Variants in OPA3 observed in about 807,000 individuals in gnomAD.
OPA3 encodes the protein outer mitochondrial membrane lipid metabolism regulator OPA3.
A neutral mutation model predicts 4.0 loss-of-function variants in OPA3; 6 were observed. The ratio of observed to expected loss-of-function variants is 1.51; its 90% CI spans 0.83 to 2.99. The LOEUF (loss-of-function observed/expected upper bound fraction) is 2.99. OPA3 is among the 30% of genes most tolerant of loss of function. The pLI is 0.00. For synonymous variants in OPA3, 105 were observed against 117.1 expected, an observed-to-expected ratio of 0.90 and a Z score of 0.67; for missense variants, 235 against 256.2, an observed-to-expected ratio of 0.92 and a Z score of 0.56.
At chr19:45,554,876 C>G (rs1969397387) in intron 1 of OPA3, among the ~76,000 whole-genome samples, 3 of 152,116 alleles carry the variant, frequency 2.0e-5, no homozygotes, top group African/African-American at 7.2e-5. Flanking sequence ...CTGCAACCTC[C>G]TCCTCCCAGG....
chr19:45,533,483 C>T (rs1410517791), intron 1 of OPA3, among the ~76,000 whole-genome samples: 2 of 152,206 alleles, frequency 1.3e-5, no homozygotes, highest in South Asian at 2.1e-4. Flanking sequence ...CGTGAGCCAC[C>T]GCGCCCAGCT....
At chr19:45,574,448 T>C (rs1237541929) in intron 1 of OPA3, among the ~76,000 whole-genome samples, 1 of 150,752 alleles carries the variant, frequency 6.6e-6, no homozygotes, top group Non-Finnish European at 1.5e-5. Flanking sequence ...ATACCCCCTG[T>C]AGCCTGTAGT....
downstream of OPA3, among the ~76,000 whole-genome samples, chr19:45,541,893 A>C (rs1969189292): frequency 6.6e-6 from 1 of 152,144 alleles, no homozygotes; most frequent in Admixed American, 6.6e-5. Flanking sequence ...GAAGGCTTCA[A>C]GGATACGAAG....
intron 1 of OPA3, among the ~76,000 whole-genome samples, chr19:45,533,415 C>T (rs1022090542): frequency 2.1e-4 from 32 of 151,872 alleles, no homozygotes; most frequent in Admixed American, 5.2e-4. Context: ...AGAATGGTCT[C>T]GATTTCCTGA....
intron 1 of OPA3, among the ~76,000 whole-genome samples, chr19:45,566,822 A>C (rs1188602421): frequency 6.6e-6 from 1 of 151,972 alleles, no homozygotes. Flanking sequence ...ATAACCCAGA[A>C]ATTTTACTCC....
chr19:45,538,659 G>T (rs1336963771), intron 1 of OPA3, among the ~76,000 whole-genome samples: 2 of 151,366 alleles, frequency 1.3e-5, no homozygotes, highest in Admixed American at 6.6e-5. Context: ...GGAGGCGGAG[G>T]TTGCAGTGAG....
intron 1 of OPA3, among the ~76,000 whole-genome samples, chr19:45,531,091 AT>A (rs944769338): frequency 3.4e-5 from 5 of 149,000 alleles, no homozygotes; most frequent in South Asian, 2.1e-4. Flanking sequence ...CACCCAGCCT[AT>A]TTTTTTTTAC....
intron 1 of OPA3, among the ~76,000 whole-genome samples, chr19:45,558,660 T>G (rs1303163315): frequency 6.6e-6 from 1 of 152,122 alleles, no homozygotes; most frequent in Non-Finnish European, 1.5e-5. Context: ...GGCCTGCCCT[T>G]TCTCCGCTCC....
chr19:45,569,821 G>A (rs142407168), intron 1 of OPA3, among the ~76,000 whole-genome samples: 4 of 152,204 alleles, frequency 2.6e-5, no homozygotes, highest in Non-Finnish European at 5.9e-5. Context: ...AGGACTGCCT[G>A]AGCACCAACA....
chr19:45,535,010 C>A (rs1969101082), intron 1 of OPA3, among the ~76,000 whole-genome samples: 1 of 152,092 alleles, frequency 6.6e-6, no homozygotes, highest in African/African-American at 2.4e-5. Flanking sequence ...AGTTCCCTTG[C>A]CTAATGTGTA....
chr19:45,560,719 G>C (rs2122460998), intron 1 of OPA3, among the ~76,000 whole-genome samples: 1 of 152,012 alleles, frequency 6.6e-6, no homozygotes, highest in African/African-American at 2.4e-5. Flanking sequence ...CTACTTCCAG[G>C]GGCCACTCAG....
chr19:45,584,047 C>A (rs1463551239), intron 1 of OPA3, among the ~76,000 whole-genome samples: 2 of 152,228 alleles, frequency 1.3e-5, no homozygotes, highest in African/African-American at 4.8e-5. Flanking sequence ...TCCTCTCTGG[C>A]TCAAAGTCCT....
At chr19:45,584,581 G>A (rs1404368118) in intron 1 of OPA3, 42 bp downstream of exon 1, 9 of 1,613,896 alleles carry the variant, frequency 5.6e-6, no homozygotes, top group Non-Finnish European at 7.6e-6. Flanking sequence ...GACAGGGGTT[G>A]GAGAAAGGAA....
At chr19:45,542,657 G>GCT (rs1568397956), downstream of OPA3, among the ~76,000 whole-genome samples, 4 of 60,998 alleles carry the variant, frequency 6.6e-5, no homozygotes, top group African/African-American at 1.6e-4. Flanking sequence ...GTACTTCACT[G>GCT]TTTTTTTGTT....
At chr19:45,579,924 C>G (rs1190033737) in intron 1 of OPA3, among the ~76,000 whole-genome samples, 2 of 151,630 alleles carry the variant, frequency 1.3e-5, no homozygotes, top group Non-Finnish European at 2.9e-5. Flanking sequence ...ATGACGTACC[C>G]AAAGTCACCA....
intron 1 of OPA3, among the ~76,000 whole-genome samples, chr19:45,532,814 A>G (rs1365333994): frequency 1.3e-5 from 2 of 152,130 alleles, no homozygotes; most frequent in African/African-American, 4.8e-5. Context: ...CCCAGCCTCA[A>G]GCAATCCTCC....
At chr19:45,555,501 T>C (rs987553420) in intron 1 of OPA3, among the ~76,000 whole-genome samples, 6 of 151,906 alleles carry the variant, frequency 3.9e-5, no homozygotes, top group African/African-American at 1.2e-4. Context: ...AATATTTTTT[T>C]TTTTTTTGAG....
In OPA3 at chr19:45,550,461, C is replaced by A. The variant is rs952864458; in HGVS notation, c.*3053G>T. 2.0e-6 allele frequency: 2 copies of A among 986,088 alleles called. No individual in the cohort carries two copies. The highest frequency in any genetic ancestry group is 4.7e-5 in the South Asian group (1 of 21,288). 61.1% of individuals were successfully genotyped at this position (986,088 alleles called of 1,614,324 possible). On this transcript the variant is annotated 3_prime_UTR_variant, in exon 2 of 2. Transcript: ENST00000263275. ...AACGCCACCTCTGGGATGGTCTGGG[C>A]CTCTGTGTAGAGATCGTCACCCTCC...
intron 1 of OPA3, among the ~76,000 whole-genome samples, chr19:45,572,723 C>T (rs1289822230): frequency 2.3e-5 from 3 of 131,268 alleles, no homozygotes; most frequent in African/African-American, 5.7e-5. Context: ...CAATATATAC[C>T]TATATATCAT....
Sources: gnomAD v4.1 joint callset for allele counts (sites outside exome capture counted in the v4.1 genomes callset) on GRCh38, gnomAD v4.1.1 for gene constraint, MANE v1.5 for transcripts, NCBI Gene and HGNC (gene_info 2026-07-23, HGNC 2026-07-21) for gene names.